The following SCARB2 variants were observed in gnomAD, a reference collection of about 807,000 sequenced individuals.
SCARB2 encodes the protein lysosome membrane protein 2.
A neutral mutation model predicts 58.6 loss-of-function variants in SCARB2; 29 were observed. The observed-to-expected ratio is 0.49, with a 90% CI of 0.37 to 0.67. SCARB2 has a LOEUF of 0.67. SCARB2 is among the 30% of genes least tolerant of loss of function. The probability of loss-of-function intolerance (pLI) is 0.00; values close to 1 mark genes in which losing one functional copy is unlikely to be tolerated. For missense variants in SCARB2, 488 were observed against 578.5 expected (o/e 0.84, Z 1.60); for synonymous variants, 195 against 210.1 (o/e 0.93, Z 0.62).
chr4:76,216,857 C>G (rs1296966480), upstream of SCARB2, among the ~76,000 whole-genome samples: 3 of 152,184 alleles, frequency 2.0e-5, no homozygotes, highest in Non-Finnish European at 2.9e-5. Context: ...AAAATATAAA[C>G]AGCTTTTAAG....
chr4:76,174,005 A>G, intron 7 of SCARB2, 139 bp downstream of exon 7: 1 of 1,057,932 alleles, frequency 9.5e-7, no homozygotes. Context: ...TCCTGGGCTC[A>G]AGTGATCATC....
At chr4:76,184,619 G>C (rs1219333395) in intron 2 of SCARB2, 1 of 202,156 alleles carries the variant, frequency 4.9e-6, no homozygotes, top group Non-Finnish European at 1.0e-5. Context: ...CCTCAAGATA[G>C]AAAACACAGT....
intron 2 of SCARB2, among the ~76,000 whole-genome samples, chr4:76,190,926 G>A (rs1310067133): frequency 1.3e-5 from 2 of 152,184 alleles, no homozygotes; most frequent in Non-Finnish European, 2.9e-5. Context: ...TGTTCTATAA[G>A]TGTAAAATGC....
rs1578722084 is a variant in SCARB2 at position 76,178,126 on chromosome 4, A to G, written c.612+1391T>C. Among the ~76,000 whole-genome samples the G allele has an allele frequency of 2.6e-5, 4 of 152,354 alleles. No homozygotes were observed. In the East Asian group the frequency reaches 7.7e-4, roughly 29 times the overall value. On this transcript the variant is annotated intron_variant, in intron 4 of 11. Transcript: ENST00000264896. ...TACACTGGAAGAAGACGGTATTAAT[A>G]TAGCCCTATTTTCAATTAAGGTTTC... is the stretch of plus-strand genomic sequence containing the variant.
chr4:76,175,766 A>G, intron 6 of SCARB2, 25 bp downstream of exon 6: 1 of 1,613,564 alleles, frequency 6.2e-7, no homozygotes, highest in Non-Finnish European at 8.5e-7. Flanking sequence ...ATTTTTGAAA[A>G]AGAACTTATC....
At chr4:76,169,341 C>CACACACACACATGT (rs3217498) in intron 8 of SCARB2, among the ~76,000 whole-genome samples, 1 of 151,126 alleles carries the variant, frequency 6.6e-6, no homozygotes, top group Non-Finnish European at 1.5e-5. Context: ...CACACACACA[C>CACACACACACATGT]GTGTGTATGT....
chr4:76,189,559 T>C (rs1732559197), intron 2 of SCARB2, among the ~76,000 whole-genome samples: 1 of 152,182 alleles, frequency 6.6e-6, no homozygotes, highest in Non-Finnish European at 1.5e-5. Flanking sequence ...CTCAGCTCAC[T>C]GCAACCTCTG....
At chr4:76,201,475 C>G (rs574843728) in intron 1 of SCARB2, among the ~76,000 whole-genome samples, 3 of 152,160 alleles carry the variant, frequency 2.0e-5, no homozygotes, top group African/African-American at 7.2e-5. Flanking sequence ...GATACCGCAG[C>G]GTAGAGCACA....
intron 6 of SCARB2, chr4:76,174,955 G>A (rs1417625531): frequency 6.5e-6 from 1 of 154,150 alleles, no homozygotes; most frequent in Non-Finnish European, 1.4e-5. Flanking sequence ...TAACCACTTT[G>A]ATGTACACAG....
intron 2 of SCARB2, among the ~76,000 whole-genome samples, chr4:76,188,787 G>A (rs951861557): frequency 6.6e-6 from 1 of 152,220 alleles, no homozygotes; most frequent in Non-Finnish European, 1.5e-5. Flanking sequence ...AGGCCCCATA[G>A]AAGGTTTGGA....
chr4:76,170,795 C>T (rs938549877), intron 7 of SCARB2, among the ~76,000 whole-genome samples: 3 of 152,204 alleles, frequency 2.0e-5, no homozygotes, highest in African/African-American at 7.2e-5. Flanking sequence ...GCTGAGATTA[C>T]AGGCTTGAGC....
chr4:76,175,687 T>C, intron 6 of SCARB2, 104 bp downstream of exon 6: 1 of 1,339,818 alleles, frequency 7.5e-7, no homozygotes, highest in African/African-American at 1.4e-5. Flanking sequence ...TATGCATAAA[T>C]ATCCATGCAT....
At chr4:76,203,014 A>G (rs917802195) in intron 1 of SCARB2, among the ~76,000 whole-genome samples, 2 of 152,136 alleles carry the variant, frequency 1.3e-5, no homozygotes, top group African/African-American at 4.8e-5. Flanking sequence ...TTTTTGAGAC[A>G]GAGTCTTGCT....
chr4:76,176,545 A>G lies in SCARB2; in HGVS notation c.613-17T>C. 6.6e-7 allele frequency: 1 copy of G among 1,522,114 alleles called. No individual in the cohort carries two copies. The highest frequency in any genetic ancestry group is 9.1e-7 in the Non-Finnish European group (1 of 1,098,302). The allele number at this position is 1,522,114 out of a possible 1,614,324, so 94.3% of individuals were successfully genotyped here. A position where few individuals can be genotyped will look rare whatever the true frequency, so the allele number is the denominator to read the frequency against. The stretch of plus-strand genomic sequence containing the variant: ...CCCATTTTTCTGAAAATATGTGAAT[A>G]TGATCATTTAAAGTAACTGTGATAA... On this transcript the variant is annotated splice_polypyrimidine_tract_variant and intron_variant, in intron 4 of 11. Coordinates refer to ENST00000264896, the MANE Select transcript of SCARB2 (RefSeq NM_005506.4).
In SCARB2 at chr4:76,213,746, C is replaced by G. The variant is rs13141845; in HGVS notation, c.-203G>C. The G allele has an allele frequency of 6.4e-6, 3 of 471,518 alleles. No individual in the cohort carries two copies. The highest frequency in any genetic ancestry group is 4.5e-5 in the Admixed American group (1 of 22,244). 29.2% of individuals were successfully genotyped at this position (471,518 alleles called of 1,614,324 possible). A position where few individuals can be genotyped will look rare whatever the true frequency, so the allele number is the denominator to read the frequency against. On this transcript the variant is annotated 5_prime_UTR_variant, in exon 1 of 12. Transcript: ENST00000264896. ...CGGGTGCACCGGGCGGATGGGGCCGCGGAGGGACGGGCCCGGACTCGGTTT... is the reference window on the plus strand; with the variant it reads ...CGGGTGCACCGGGCGGATGGGGCCGGGGAGGGACGGGCCCGGACTCGGTTT...
chr4:76,170,945 AATATAT>A (rs35595759), intron 7 of SCARB2, among the ~76,000 whole-genome samples: 17,994 of 136,548 alleles, frequency 0.13, 1,659 homozygotes, highest in African/African-American at 0.25. Context: ...TGTAAATTTA[AATATAT>A]ATATATATAT....
intron 1 of SCARB2, among the ~76,000 whole-genome samples, chr4:76,212,902 G>A (rs1733086663): frequency 1.3e-5 from 2 of 152,224 alleles, no homozygotes; most frequent in South Asian, 4.1e-4. Context: ...AAGACTGATG[G>A]ATGAATTGTC....
intron 3 of SCARB2, chr4:76,180,376 A>G (rs2109948101): frequency 6.6e-6 from 1 of 151,992 alleles, no homozygotes; most frequent in East Asian, 1.9e-4. Context: ...TTAATAATAA[A>G]TAAATTAATT....
chr4:76,225,541 A>G (rs1418290606), intron 1 of SCARB2, among the ~76,000 whole-genome samples: 2 of 152,160 alleles, frequency 1.3e-5, no homozygotes, highest in East Asian at 3.8e-4. Flanking sequence ...GATGGCTTTT[A>G]TTACCTTAAG....
Sources: allele counts gnomAD v4.1 joint callset (sites outside exome capture counted in the v4.1 genomes callset), GRCh38; gene constraint gnomAD v4.1.1; transcripts MANE v1.5; gene names NCBI Gene and HGNC (gene_info 2026-07-23, HGNC 2026-07-21).